Variants in PARL observed in about 807,000 individuals in gnomAD.
The protein encoded by PARL is presenilin associated rhomboid like, also known as presenilin-associated rhomboid-like protein, mitochondrial.
Under a neutral mutation model 51.6 loss-of-function variants are expected in PARL, and 44 were observed. The observed-to-expected ratio is 0.85, with a 90% CI of 0.67 to 1.10. The LOEUF is 1.10. PARL is among the 50% of genes least tolerant of loss of function. The pLI, the probability that PARL is intolerant of heterozygous loss-of-function variation, is 0.00. For missense variants in PARL, 441 were observed against 469.5 expected (o/e 0.94, Z 0.56); for synonymous variants, 172 against 164.0 (o/e 1.05, Z -0.37).
At chr3:183,875,552 C>T (rs1345517426) in intron 1 of PARL, among the ~76,000 whole-genome samples, 1 of 151,966 alleles carries the variant, frequency 6.6e-6, no homozygotes, top group Non-Finnish European at 1.5e-5. Flanking sequence ...GCAAGACTAA[C>T]TCCTTCAATT....
At chr3:183,845,786 A>T (rs1729878913) in intron 4 of PARL, among the ~76,000 whole-genome samples, 1 of 152,124 alleles carries the variant, frequency 6.6e-6, no homozygotes, top group Non-Finnish European at 1.5e-5. Flanking sequence ...GTTGCTCTGG[A>T]TTCCTTAGAT....
intron 1 of PARL, among the ~76,000 whole-genome samples, chr3:183,874,465 G>C (rs1446839407): frequency 6.7e-6 from 1 of 148,558 alleles, no homozygotes; most frequent in African/African-American, 2.5e-5. Context: ...CTGCAGTGCA[G>C]TGGCGCGATC....
At chr3:183,884,661 G>C in intron 1 of PARL, 61 bp downstream of exon 1, 5 of 1,537,204 alleles carry the variant, frequency 3.3e-6, no homozygotes, top group Non-Finnish European at 3.5e-6. Context: ...CCGCCCCCGA[G>C]GATACACGGC....
intron 1 of PARL, among the ~76,000 whole-genome samples, chr3:183,876,102 A>G (rs1016767537): frequency 6.6e-6 from 1 of 152,184 alleles, no homozygotes; most frequent in Non-Finnish European, 1.5e-5. Flanking sequence ...CTGGAAGTAC[A>G]GTGGCACTAT....
intron 7 of PARL, among the ~76,000 whole-genome samples, chr3:183,838,595 G>A (rs1031504119): frequency 4.6e-5 from 7 of 152,164 alleles, no homozygotes; most frequent in Admixed American, 1.3e-4. Context: ...ATTGTGCTAA[G>A]CACTCTAAAT....
intron 4 of PARL, among the ~76,000 whole-genome samples, chr3:183,860,756 T>C (rs113774699): frequency 1.3e-5 from 2 of 152,066 alleles, no homozygotes; most frequent in East Asian, 1.9e-4. Flanking sequence ...AATAGTGAAA[T>C]GCTTTGAAAA....
chr3:183,880,539 T>C (rs552288880), intron 1 of PARL, among the ~76,000 whole-genome samples: 69 of 152,048 alleles, frequency 4.5e-4, no homozygotes, highest in African/African-American at 1.7e-3. Flanking sequence ...GTAGCTGAGA[T>C]TACAGGCGCC....
intron 1 of PARL, among the ~76,000 whole-genome samples, chr3:183,882,607 G>A (rs1204229490): frequency 1.3e-5 from 2 of 152,084 alleles, no homozygotes; most frequent in Admixed American, 6.5e-5. Flanking sequence ...TAACAGTAAA[G>A]TTTACAAGGA....
At chr3:183,840,940 G>T (rs1403440276) in intron 6 of PARL, among the ~76,000 whole-genome samples, 1 of 152,124 alleles carries the variant, frequency 6.6e-6, no homozygotes, top group Non-Finnish European at 1.5e-5. Flanking sequence ...CTGGATCACT[G>T]TGAGGGTACG....
chr3:183,872,601 T>C (rs1289135611), intron 1 of PARL, among the ~76,000 whole-genome samples: 3 of 152,186 alleles, frequency 2.0e-5, no homozygotes, highest in African/African-American at 2.4e-5. Flanking sequence ...CCCTGTTGAA[T>C]AGCTAATCCC....
intron 1 of PARL, among the ~76,000 whole-genome samples, chr3:183,879,441 T>C (rs535313310): frequency 6.6e-6 from 1 of 152,262 alleles, no homozygotes; most frequent in South Asian, 2.1e-4. Flanking sequence ...CACAAGGAGA[T>C]AGCATGCTGA....
chr3:183,861,238 G>C (rs1437125665), intron 4 of PARL: 4 of 975,726 alleles, frequency 4.1e-6, no homozygotes, highest in Non-Finnish European at 2.4e-6. Context: ...CAATTCTATG[G>C]TCTTAGTTAT....
intron 1 of PARL, chr3:183,879,858 AGATGCCTG>A (rs1734232950): frequency 6.5e-6 from 1 of 153,466 alleles, no homozygotes; most frequent in Non-Finnish European, 1.4e-5. Context: ...CTGGGATTAC[AGATGCCTG>A]CCACCAGGAC....
intron 4 of PARL, among the ~76,000 whole-genome samples, chr3:183,848,489 C>T (rs950146817): frequency 1.3e-5 from 2 of 152,178 alleles, no homozygotes; most frequent in African/African-American, 4.8e-5. Flanking sequence ...GATCTGCCCG[C>T]GTCGGCCTCC....
chr3:183,862,466 A>C, intron 4 of PARL: 1 of 367,898 alleles, frequency 2.7e-6, no homozygotes, highest in Non-Finnish European at 5.0e-6. Context: ...TAGTTTCTTT[A>C]ATAAGGGAAG....
chr3:183,877,278 C>T (rs1272440325), intron 1 of PARL, among the ~76,000 whole-genome samples: 3 of 152,132 alleles, frequency 2.0e-5, no homozygotes, highest in Non-Finnish European at 2.9e-5. Flanking sequence ...GATTGAATTG[C>T]TGCAATCTCA....
intron 7 of PARL, 96 bp from the exon 8 acceptor site, chr3:183,833,921 C>T: frequency 2.5e-6 from 2 of 800,988 alleles, no homozygotes; most frequent in Non-Finnish European, 4.4e-6. Flanking sequence ...AGAAAGTTTA[C>T]ATGCTGCACA....
At chr3:183,840,709 CTTT>C (rs34558001) in intron 6 of PARL, 69 bp from the exon 7 acceptor site, 474 of 606,396 alleles carry the variant, frequency 7.8e-4, no homozygotes, top group Middle Eastern at 1.3e-3. Context: ...TTTTTCTTTT[CTTT>C]TTTTTTTTTT....
chr3:183,830,865 T>C (rs1481717664), intron 9 of PARL, among the ~76,000 whole-genome samples: 1 of 152,234 alleles, frequency 6.6e-6, no homozygotes, highest in Non-Finnish European at 1.5e-5. Context: ...CTTAAGTCTC[T>C]GGTGAATTTA....
Sources: allele counts gnomAD v4.1 joint callset (sites outside exome capture counted in the v4.1 genomes callset), GRCh38; gene constraint gnomAD v4.1.1; transcripts MANE v1.5; gene names NCBI Gene and HGNC (gene_info 2026-07-23, HGNC 2026-07-21).